Variants in DLGAP2 observed in about 807,000 individuals in gnomAD.
The protein encoded by DLGAP2 is DLG associated protein 2, also known as disks large-associated protein 2.
Under a neutral mutation model 100.3 loss-of-function variants are expected in DLGAP2, and 26 were observed. That is an observed-to-expected ratio of 0.26 (90% confidence interval 0.19 to 0.36). The LOEUF (loss-of-function observed/expected upper bound fraction) is 0.36. Among genes scored for constraint, DLGAP2 ranks in the 10% least tolerant of loss-of-function variants. The pLI is 1.00. For missense variants in DLGAP2, 1,858 were observed against 1,453.2 expected (o/e 1.28, Z -4.53); for synonymous variants, 886 against 630.1 (o/e 1.41, Z -6.08).
intron 1 of DLGAP2, 193 bp downstream of exon 1, chr8:738,018 C>A (rs1408707200): frequency 9.6e-6 from 3 of 312,054 alleles, no homozygotes; most frequent in Non-Finnish European, 5.8e-6. Context: ...GCTCGGGGGT[C>A]GCGCGTTGCG....
chr8:1,068,431 C>T (rs1260779067), intron 2 of DLGAP2, among the ~76,000 whole-genome samples: 1 of 152,208 alleles, frequency 6.6e-6, no homozygotes, highest in African/African-American at 2.4e-5. Flanking sequence ...ATAAGAGTTC[C>T]TGTTCATCCA....
intron 2 of DLGAP2, among the ~76,000 whole-genome samples, chr8:1,200,408 C>G (rs751660504): frequency 6.6e-6 from 1 of 152,218 alleles, no homozygotes; most frequent in South Asian, 2.1e-4. Flanking sequence ...AGGACAGTCA[C>G]TAGCAGTTGT....
intron 2 of DLGAP2, among the ~76,000 whole-genome samples, chr8:1,098,419 AG>A (rs1353938192): frequency 6.6e-6 from 1 of 152,146 alleles, no homozygotes; most frequent in Non-Finnish European, 1.5e-5. Flanking sequence ...CCTCCTCACG[AG>A]GGCCTCCCGG....
At chr8:1,358,113 G>C (rs556893261) in intron 3 of DLGAP2, among the ~76,000 whole-genome samples, 1 of 152,188 alleles carries the variant, frequency 6.6e-6, no homozygotes, top group Non-Finnish European at 1.5e-5. Flanking sequence ...TTGGGTAGAA[G>C]TGAAGATTGT....
intron 1 of DLGAP2, among the ~76,000 whole-genome samples, chr8:806,448 C>G (rs1203049082): frequency 6.6e-6 from 1 of 152,138 alleles, no homozygotes; most frequent in African/African-American, 2.4e-5. Flanking sequence ...CCAATGCGCA[C>G]CTGGAGAATT....
At position 859,845 on chromosome 8, in the gene DLGAP2, C is replaced by T. The variant is rs920724737; in HGVS notation, c.19-48067C>T. 1.4e-4 allele frequency among the ~76,000 whole-genome samples: 21 copies of T among 152,106 alleles called. No homozygotes were observed. The Middle Eastern group carries it at 0.01, about 74-fold the overall frequency. Reference sequence around the variant, plus strand: ...GTGTAGGGGCCACCTCACAGGCAGCCGAGATGGAAGACGGAAGACGTGGCT... The same window carrying T: ...GTGTAGGGGCCACCTCACAGGCAGCTGAGATGGAAGACGGAAGACGTGGCT... On this transcript the variant is annotated intron_variant, in intron 1 of 14. Transcript: ENST00000637795.
intron 6 of DLGAP2, among the ~76,000 whole-genome samples, chr8:1,586,501 G>C (rs966364325): frequency 6.6e-6 from 1 of 152,128 alleles, no homozygotes; most frequent in Non-Finnish European, 1.5e-5. Context: ...GCGCTGAGAG[G>C]GGGCCTGCCT....
At chr8:1,174,351 TTACCATCAC>T (rs1432239342) in intron 2 of DLGAP2, among the ~76,000 whole-genome samples, 1 of 151,462 alleles carries the variant, frequency 6.6e-6, no homozygotes, top group Non-Finnish European at 1.5e-5. Context: ...ACCACCATCA[TTACCATCAC>T]CAAAATCATT....
intron 2 of DLGAP2, among the ~76,000 whole-genome samples, chr8:914,475 G>T (rs895646661): frequency 1.3e-5 from 2 of 151,962 alleles, no homozygotes; most frequent in Non-Finnish European, 2.9e-5. Flanking sequence ...AATAGTGTTG[G>T]GACCACAGGT....
intron 4 of DLGAP2, among the ~76,000 whole-genome samples, chr8:1,520,536 C>G (rs554820951): frequency 3.7e-4 from 56 of 152,266 alleles, no homozygotes; most frequent in African/African-American, 1.3e-3. Context: ...CCACTGCCAC[C>G]TCACACAGAG....
At chr8:1,319,071 T>C (rs1800835575) in intron 3 of DLGAP2, among the ~76,000 whole-genome samples, 1 of 152,096 alleles carries the variant, frequency 6.6e-6, no homozygotes, top group South Asian at 2.1e-4. Context: ...TGAAGCAGAA[T>C]GGAGACTTGG....
chr8:996,011 A>G (rs1248319758), intron 2 of DLGAP2, among the ~76,000 whole-genome samples: 2 of 152,206 alleles, frequency 1.3e-5, no homozygotes, highest in Non-Finnish European at 2.9e-5. Flanking sequence ...TTCTGAAGTC[A>G]GCAAAGGCAA....
At chr8:1,132,653 G>T (rs1423342630) in intron 2 of DLGAP2, among the ~76,000 whole-genome samples, 1 of 152,218 alleles carries the variant, frequency 6.6e-6, no homozygotes, top group East Asian at 1.9e-4. Context: ...GGCGTTTACT[G>T]GAGAGCACTG....
chr8:1,350,186 C>CGGGTCCTGACAGTGCGTGGAAAGGCCGT lies in DLGAP2; in HGVS notation c.106+91304_106+91305insGGTCCTGACAGTGCGTGGAAAGGCCGTG, dbSNP rs1563098900. ...ATGCTCTTGTGGCGTGGAAAGGCCG[C>CGGGTCCTGACAGTGCGTGGAAAGGCCGT]GCGGGTCCTGAGTGTGCGTGGAAAG... On this transcript the variant is annotated intron_variant, in intron 3 of 14. Coordinates refer to ENST00000637795, the MANE Select transcript of DLGAP2 (RefSeq NM_001346810.2). Among the ~76,000 whole-genome samples the CGGGTCCTGACAGTGCGTGGAAAGGCCGT allele has an allele frequency of 5.4e-4, 71 of 130,824 alleles. 9 individuals are homozygous for CGGGTCCTGACAGTGCGTGGAAAGGCCGT. Among genetic ancestry groups the CGGGTCCTGACAGTGCGTGGAAAGGCCGT allele is most frequent in the African/African-American group, 9.4e-4 (34 of 36,324 alleles). The allele number at this position is 130,824 out of a possible 152,430, so 85.8% of individuals were successfully genotyped here. A position where few individuals can be genotyped will look rare whatever the true frequency, so the allele number is the denominator to read the frequency against.
At chr8:1,364,124 T>C (rs927783796) in intron 3 of DLGAP2, among the ~76,000 whole-genome samples, 1 of 152,028 alleles carries the variant, frequency 6.6e-6, no homozygotes, top group Non-Finnish European at 1.5e-5. Flanking sequence ...CCACCCACCT[T>C]CCCTCCTGAG....
At chr8:1,017,582 C>T (rs796087545) in intron 2 of DLGAP2, among the ~76,000 whole-genome samples, 95 of 137,962 alleles carry the variant, frequency 6.9e-4, no homozygotes, top group African/African-American at 2.0e-3. Flanking sequence ...GGACAGACGA[C>T]GCCTCCACTG....
chr8:872,524 G>T (rs1013072336), intron 1 of DLGAP2, among the ~76,000 whole-genome samples: 2 of 151,836 alleles, frequency 1.3e-5, no homozygotes. Flanking sequence ...TAGAGATGGG[G>T]TTTCTCCATG....
intron 3 of DLGAP2, among the ~76,000 whole-genome samples, chr8:1,334,999 C>T (rs1216284387): frequency 6.6e-6 from 1 of 152,186 alleles, no homozygotes; most frequent in Non-Finnish European, 1.5e-5. Context: ...CTTAAAAACA[C>T]AGAAATCTTA....
intron 4 of DLGAP2, among the ~76,000 whole-genome samples, chr8:1,532,874 G>T (rs189574520): frequency 2.6e-5 from 4 of 152,258 alleles, no homozygotes; most frequent in Admixed American, 1.3e-4. Context: ...TACAAGTCCA[G>T]CCTAACTTTT....
Sources: gnomAD v4.1 joint callset for allele counts (sites outside exome capture counted in the v4.1 genomes callset) on GRCh38, gnomAD v4.1.1 for gene constraint, MANE v1.5 for transcripts, NCBI Gene and HGNC (gene_info 2026-07-23, HGNC 2026-07-21) for gene names.